Variants in TRMT9B observed in about 807,000 individuals in gnomAD.
The protein encoded by TRMT9B is tRNA methyltransferase 9B (putative).
Under a neutral mutation model 11.5 loss-of-function variants are expected in TRMT9B, and 16 were observed. The observed-to-expected ratio is 1.39, with a 90% CI of 0.94 to 2.11. The LOEUF is 2.11. Among genes scored for constraint, TRMT9B ranks in the 30% most tolerant of loss-of-function variants. The pLI is 0.00. For missense variants in TRMT9B, 941 were observed against 553.8 expected (o/e 1.70, Z -7.02); for synonymous variants, 274 against 192.4 (o/e 1.42, Z -3.51).
At position 13,025,988 on chromosome 8, in the gene TRMT9B, A is replaced by AG. The variant is rs1170577146; in HGVS notation, c.*3945dup. The AG allele has an allele frequency of 6.0e-6, 1 of 167,078 alleles. No individual in the cohort carries two copies. The highest frequency in any genetic ancestry group is 1.9e-4 in the East Asian group (1 of 5,194). The allele number at this position is 167,078 out of a possible 1,614,324, so 10.3% of individuals were successfully genotyped here. On this transcript the variant is annotated 3_prime_UTR_variant, in exon 5 of 5. Transcript: ENST00000524591. ...CCTGATTATTAATGGCCAAAAAAAA[A>AG]GCACTGGTGGATTTTAAATTAAATT...
intron 1 of TRMT9B, among the ~76,000 whole-genome samples, chr8:12,975,977 T>C (rs1452452161): frequency 1.3e-5 from 2 of 152,196 alleles, no homozygotes; most frequent in African/African-American, 2.4e-5. Context: ...ATATGAGCCA[T>C]GGTTGCTGAT....
At chr8:12,963,922 A>G (rs1377818610) in intron 1 of TRMT9B, among the ~76,000 whole-genome samples, 1 of 152,228 alleles carries the variant, frequency 6.6e-6, no homozygotes, top group Non-Finnish European at 1.5e-5. Flanking sequence ...CTTGCTCCTC[A>G]AGAAACTAGT....
chr8:13,006,484 C>T (rs1037464185), intron 3 of TRMT9B, 128 bp downstream of exon 3: 2 of 1,542,506 alleles, frequency 1.3e-6, no homozygotes, highest in South Asian at 1.3e-5. Flanking sequence ...TAACCCAGCA[C>T]TGGGCCGTGT....
intron 1 of TRMT9B, among the ~76,000 whole-genome samples, chr8:12,975,086 G>A (rs1404165480): frequency 2.0e-5 from 3 of 151,776 alleles, no homozygotes; most frequent in Non-Finnish European, 2.9e-5. Flanking sequence ...ATCGATGATT[G>A]AGAAGAGAGA....
At chr8:12,998,038 C>G (rs1158484486) in intron 2 of TRMT9B, among the ~76,000 whole-genome samples, 16 of 152,170 alleles carry the variant, frequency 1.1e-4, no homozygotes, top group Admixed American at 9.8e-4. Context: ...TGCCCGTCTC[C>G]TGACCATTAT....
intron 1 of TRMT9B, among the ~76,000 whole-genome samples, chr8:12,957,629 C>T (rs958678491): frequency 6.6e-6 from 1 of 152,032 alleles, no homozygotes; most frequent in Non-Finnish European, 1.5e-5. Flanking sequence ...TACTGATTGC[C>T]CTGAATACAG....
At position 13,027,606 on chromosome 8, in the gene TRMT9B, C is replaced by G. The variant is rs188187867; in HGVS notation, c.*5562C>G. 343 of 167,194 alleles carry G rather than the reference C, an allele frequency of 2.1e-3. No homozygotes were observed. Among genetic ancestry groups the G allele is most frequent in the African/African-American group, 7.8e-3 (323 of 41,588 alleles). The allele number at this position is 167,194 out of a possible 1,614,324, so 10.4% of individuals were successfully genotyped here. On this transcript the variant is annotated 3_prime_UTR_variant, in exon 5 of 5. Transcript: ENST00000524591. ...CTGTTCTGCAATCTGCTATTTTAGA[C>G]AAAGCTTTCATAAGAAATTACATAA... is the stretch of plus-strand genomic sequence containing the variant.
At chr8:13,000,415 G>T (rs1195210564) in intron 2 of TRMT9B, among the ~76,000 whole-genome samples, 1 of 152,146 alleles carries the variant, frequency 6.6e-6, no homozygotes, top group African/African-American at 2.4e-5. Context: ...TAACTCTCCT[G>T]TTAGTTTTCT....
At chr8:12,976,790 A>C (rs746287753) in intron 1 of TRMT9B, among the ~76,000 whole-genome samples, 2 of 152,182 alleles carry the variant, frequency 1.3e-5, no homozygotes, top group African/African-American at 2.4e-5. Context: ...GGGAAAGCGG[A>C]AAGACTGGAT....
intron 1 of TRMT9B, among the ~76,000 whole-genome samples, chr8:12,987,306 C>T (rs992536150): frequency 1.3e-5 from 2 of 152,118 alleles, no homozygotes; most frequent in African/African-American, 4.8e-5. Context: ...CACGGCCTGG[C>T]CCATAGCAAA....
Position 13,022,393 on chromosome 8 carries a change from T to C in TRMT9B, c.*349T>C, listed in dbSNP as rs1354445726. 2 of 189,924 alleles carry C rather than the reference T, an allele frequency of 1.1e-5. No homozygotes were observed. The highest frequency in any genetic ancestry group is 3.2e-4 in the East Asian group (2 of 6,234). The allele number at this position is 189,924 out of a possible 1,614,324, so 11.8% of individuals were successfully genotyped here. ...ACATTGATTTAAAAAGATTATGCTGTTAAATAATCTTTTAAAACGGTATTT... is the reference window on the plus strand; with the variant it reads ...ACATTGATTTAAAAAGATTATGCTGCTAAATAATCTTTTAAAACGGTATTT... On this transcript the variant is annotated 3_prime_UTR_variant, in exon 5 of 5. Coordinates refer to ENST00000524591, the MANE Select transcript of TRMT9B (RefSeq NM_020844.3).
intron 4 of TRMT9B, among the ~76,000 whole-genome samples, chr8:13,016,018 A>C (rs1170545285): frequency 6.6e-6 from 1 of 151,060 alleles, no homozygotes; most frequent in African/African-American, 2.4e-5. Flanking sequence ...GGCTGGGGTG[A>C]GAGGATCCTT....
intron 1 of TRMT9B, among the ~76,000 whole-genome samples, chr8:12,969,315 C>T (rs1803258541): frequency 1.3e-5 from 2 of 152,180 alleles, no homozygotes; most frequent in African/African-American, 2.4e-5. Flanking sequence ...TTTGGGCTCA[C>T]AGAGGCCTGT....
At chr8:12,978,228 C>A (rs74766045) in intron 1 of TRMT9B, among the ~76,000 whole-genome samples, 3,868 of 152,252 alleles carry the variant, frequency 0.025, 58 homozygotes, top group Middle Eastern at 0.054. Context: ...GATTTATCAT[C>A]AAGCTCCTTG....
At chr8:12,969,270 C>T (rs1803253099) in intron 1 of TRMT9B, among the ~76,000 whole-genome samples, 1 of 152,164 alleles carries the variant, frequency 6.6e-6, no homozygotes, top group Non-Finnish European at 1.5e-5. Flanking sequence ...CACAGGTTTC[C>T]ATCCATCCTA....
chr8:12,985,885 G>C (rs1040383235), intron 1 of TRMT9B, among the ~76,000 whole-genome samples: 3 of 151,720 alleles, frequency 2.0e-5, no homozygotes, highest in African/African-American at 4.8e-5. Context: ...TTTTGAGATG[G>C]AGTCTCACTC....
intron 4 of TRMT9B, among the ~76,000 whole-genome samples, chr8:13,019,429 C>T (rs569179302): frequency 9.9e-5 from 15 of 152,278 alleles, no homozygotes; most frequent in African/African-American, 3.6e-4. Flanking sequence ...GTAGCTGGAA[C>T]TACAGGCACA....
At chr8:12,990,768 G>A (rs1807194367) in intron 1 of TRMT9B, 66 bp from the exon 2 acceptor site, 1 of 1,065,860 alleles carries the variant, frequency 9.4e-7, no homozygotes, top group Admixed American at 2.5e-5. Flanking sequence ...AGTCAGCCTG[G>A]GCTGTAGCTG....
At chr8:13,003,422 G>C (rs1374750308) in intron 2 of TRMT9B, among the ~76,000 whole-genome samples, 3 of 152,066 alleles carry the variant, frequency 2.0e-5, no homozygotes, top group African/African-American at 7.2e-5. Context: ...TATCCTGCCT[G>C]GAAGGTCAGG....
Sources: allele counts gnomAD v4.1 joint callset (sites outside exome capture counted in the v4.1 genomes callset), GRCh38; gene constraint gnomAD v4.1.1; transcripts MANE v1.5; gene names NCBI Gene and HGNC (gene_info 2026-07-23, HGNC 2026-07-21).